The following RAD54B variants were observed in gnomAD, a reference collection of about 807,000 sequenced individuals.
The protein encoded by RAD54B is DNA repair and recombination protein RAD54B.
In RAD54B, 78 loss-of-function variants were observed where a neutral mutation model predicts 95.8. That is an observed-to-expected ratio of 0.81 (90% confidence interval 0.68 to 0.98). The LOEUF is 0.98. Among genes scored for constraint, RAD54B ranks in the 50% least tolerant of loss-of-function variants. RAD54B has a pLI of 0.00. For missense variants in RAD54B, 957 were observed against 1,056.6 expected (o/e 0.91, Z 1.31); for synonymous variants, 328 against 354.9 (o/e 0.92, Z 0.85).
In RAD54B at chr8:94,466,545, T is replaced by C. The variant is rs566325892; in HGVS notation, c.135+860A>G. On this transcript the variant is annotated intron_variant, in intron 2 of 14. Coordinates refer to ENST00000336148, the MANE Select transcript of RAD54B (RefSeq NM_012415.3). ...GCCTCAGTCTCCGGAGTAGCTGGGA[T>C]TATAGGCGCGTGCCACCATGCCCGG... is the stretch of plus-strand genomic sequence containing the variant. 2.6e-5 allele frequency among the ~76,000 whole-genome samples: 4 copies of C among 151,984 alleles called. No individual in the cohort carries two copies. In the South Asian group the frequency reaches 8.3e-4, roughly 32 times the overall value.
At chr8:94,377,334 G>A (rs111243987) in intron 14 of RAD54B, among the ~76,000 whole-genome samples, 4,224 of 151,490 alleles carry the variant, frequency 0.028, 108 homozygotes, top group African/African-American at 0.069. Flanking sequence ...CCAGGAGTTC[G>A]AGACCAGTGT....
Position 94,400,382 on chromosome 8 carries a change from G to A in RAD54B, c.1026C>T (p.Thr342=). 1 of 1,613,670 alleles carries A rather than the reference G, an allele frequency of 6.2e-7. No homozygotes were observed. ...CTCCATAGGGTCCCTGACACTGCAG[G>A]GTCCAGATGAGCGAAATACATTGCA... ...KTLQCISLIW[T]LQCQGPYGGK... Residue 342 remains threonine (T), a synonymous_variant, in exon 7 of 15, where the codon ACC becomes ACT. Coordinates refer to ENST00000336148, the MANE Select transcript of RAD54B (RefSeq NM_012415.3).
At position 94,414,749 on chromosome 8, in the gene RAD54B, G is replaced by A. The variant is rs371906703; in HGVS notation, c.305-3434C>T. 1.5e-4 allele frequency among the ~76,000 whole-genome samples: 23 copies of A among 152,226 alleles called. No individual in the cohort carries two copies. In the East Asian group the frequency reaches 3.9e-3, roughly 26 times the overall value. Reference sequence around the variant, plus strand: ...AGACAAACAGAGAGCCAAATCATGAGTGAACTCCCATTCACAATTGCTTCA... The same window carrying A: ...AGACAAACAGAGAGCCAAATCATGAATGAACTCCCATTCACAATTGCTTCA... On this transcript the variant is annotated intron_variant, in intron 3 of 14. Coordinates refer to ENST00000336148, the MANE Select transcript of RAD54B (RefSeq NM_012415.3).
chr8:94,385,176 T>C (rs1810840130), intron 11 of RAD54B, among the ~76,000 whole-genome samples: 1 of 152,182 alleles, frequency 6.6e-6, no homozygotes, highest in African/African-American at 2.4e-5. Flanking sequence ...ATTATATTTT[T>C]CTTCATTCCT....
intron 2 of RAD54B, 50 bp downstream of exon 2, chr8:94,467,355 C>A: frequency 7.0e-7 from 1 of 1,438,512 alleles, no homozygotes; most frequent in Non-Finnish European, 9.3e-7. Flanking sequence ...TTTTCTTAAA[C>A]ATACATGCTT....
chr8:94,473,930 T>C (rs924492673), intron 1 of RAD54B, among the ~76,000 whole-genome samples: 1 of 152,184 alleles, frequency 6.6e-6, no homozygotes, highest in Non-Finnish European at 1.5e-5. Context: ...GAGCATTCAG[T>C]AGAAACTGTA....
At chr8:94,418,259 T>C (rs1173042343) in intron 3 of RAD54B, among the ~76,000 whole-genome samples, 1 of 152,172 alleles carries the variant, frequency 6.6e-6, no homozygotes. Context: ...CTCTGGTTAT[T>C]TGTGGAAGAT....
At chr8:94,446,481 C>T (rs995755838) in intron 3 of RAD54B, among the ~76,000 whole-genome samples, 1 of 152,084 alleles carries the variant, frequency 6.6e-6, no homozygotes, top group Non-Finnish European at 1.5e-5. Flanking sequence ...CATTTTACAA[C>T]AAGCTATAAA....
At chr8:94,393,022 C>T (rs1196510815) in intron 9 of RAD54B, among the ~76,000 whole-genome samples, 7 of 150,556 alleles carry the variant, frequency 4.6e-5, no homozygotes, top group African/African-American at 1.5e-4. Flanking sequence ...CGGGGTTTCA[C>T]CATGTTGGCC....
rs1442810411 is a variant in RAD54B, at chr8:94,400,247, A to G, written c.1161T>C (p.Thr387=). Residue 387 remains threonine, a synonymous_variant, in exon 7 of 15, where the codon ACT becomes ACC. Transcript: ENST00000336148. Reference sequence around the variant, plus strand: ...CTTTTAAGTTTCTTACCTGATCAACAGTAAATATCTTGATCCTTTCACTTC... The same window carrying G: ...CTTTTAAGTTTCTTACCTGATCAACGGTAAATATCTTGATCCTTTCACTTC... ...WLGSERIKIF[T]VDQDHKVEEF... The G allele has an allele frequency of 6.2e-7, 1 of 1,612,252 alleles. No homozygotes were observed. Among genetic ancestry groups the G allele is most frequent in the East Asian group, 2.2e-5 (1 of 44,864 alleles).
At position 94,456,841 on chromosome 8, in the gene RAD54B, C is replaced by T. The variant is rs1586036910; in HGVS notation, c.304+1427G>A. Among the ~76,000 whole-genome samples, 4 of 152,248 alleles carry T rather than the reference C, an allele frequency of 2.6e-5. No individual in the cohort carries two copies. In the South Asian group the frequency reaches 6.2e-4, roughly 24 times the overall value. On this transcript the variant is annotated intron_variant, in intron 3 of 14. Coordinates refer to ENST00000336148, the MANE Select transcript of RAD54B (RefSeq NM_012415.3). ...AGAGAACAAAACATTTCTCACAAAG[C>T]TTTTTTCCCCAATTTAACCTCTTTC...
At chr8:94,382,259 T>C (rs566490283) in intron 11 of RAD54B, among the ~76,000 whole-genome samples, 1 of 152,220 alleles carries the variant, frequency 6.6e-6, no homozygotes, top group South Asian at 2.1e-4. Flanking sequence ...GTATGAAGAA[T>C]GAATAAAAGT....
intron 3 of RAD54B, among the ~76,000 whole-genome samples, chr8:94,447,310 C>T (rs972850182): frequency 2.0e-5 from 3 of 152,104 alleles, no homozygotes; most frequent in Non-Finnish European, 4.4e-5. Flanking sequence ...AAGTCTTGTC[C>T]TTGGTGTAAA....
intron 2 of RAD54B, among the ~76,000 whole-genome samples, chr8:94,460,947 T>C (rs919656216): frequency 6.6e-6 from 1 of 152,022 alleles, no homozygotes; most frequent in Non-Finnish European, 1.5e-5. Flanking sequence ...ACTCAGATCA[T>C]CCAGGGTAAC....
rs542352297 is a variant in RAD54B, at chr8:94,426,698, CAAG to C, written c.305-15386_305-15384del. ...ATTAGGACAATGGTTGCCTGACGTG[CAAG>C]AAGACTGATTAGAAGCAGGCAAGAG... On this transcript the variant is annotated intron_variant, in intron 3 of 14. Coordinates refer to ENST00000336148, the MANE Select transcript of RAD54B (RefSeq NM_012415.3). 5.3e-4 allele frequency among the ~76,000 whole-genome samples: 81 copies of C among 152,186 alleles called. 1 individual carries two copies. The South Asian group carries it at 0.014, about 26-fold the overall frequency.
intron 3 of RAD54B, among the ~76,000 whole-genome samples, chr8:94,416,587 A>G (rs951728600): frequency 3.3e-5 from 5 of 152,162 alleles, no homozygotes; most frequent in Non-Finnish European, 7.4e-5. Flanking sequence ...AATCTTAGAC[A>G]ATTCAGAAAA....
chr8:94,379,161 G>GA, intron 12 of RAD54B, among the ~76,000 whole-genome samples: 1 of 152,276 alleles, frequency 6.6e-6, no homozygotes, highest in South Asian at 2.1e-4. Flanking sequence ...TAGGCCTTTG[G>GA]AATGTCCTGC....
chr8:94,430,762 A>T (rs1025683833), intron 3 of RAD54B: 4 of 982,624 alleles, frequency 4.1e-6, no homozygotes, highest in Non-Finnish European at 2.4e-6. Context: ...ATTCCTCATT[A>T]AAAAATGCAG....
chr8:94,444,958 A>C (rs1812486511), intron 3 of RAD54B, among the ~76,000 whole-genome samples: 2 of 152,194 alleles, frequency 1.3e-5, no homozygotes, highest in Non-Finnish European at 2.9e-5. Context: ...TAATTTTGAT[A>C]ACTGTCAGCG....
Sources: gnomAD v4.1 joint callset for allele counts (sites outside exome capture counted in the v4.1 genomes callset) on GRCh38, gnomAD v4.1.1 for gene constraint, MANE v1.5 for transcripts, NCBI Gene and HGNC (gene_info 2026-07-23, HGNC 2026-07-21) for gene names.